BNC2: variants seen among roughly 807,000 people sequenced by gnomAD.
BNC2 encodes basonuclin zinc finger protein 2.
Under a neutral mutation model 76.3 loss-of-function variants are expected in BNC2, and 20 were observed. That is an observed-to-expected ratio of 0.26 (90% CI 0.18 to 0.38). The LOEUF is 0.38. Ranked by LOEUF, BNC2 falls within the 10% of genes least tolerant of loss-of-function variation. The pLI is 1.00. For missense variants in BNC2, 1,382 were observed against 1,399.8 expected (o/e 0.99, Z 0.20); for synonymous variants, 582 against 514.8 (o/e 1.13, Z -1.77).
intron 5 of BNC2, among the ~76,000 whole-genome samples, chr9:16,443,560 G>A (rs1467127749): frequency 6.8e-6 from 1 of 146,376 alleles, no homozygotes; most frequent in African/African-American, 2.8e-5. Flanking sequence ...ATGAAACAAT[G>A]CTATGCAAAA....
intron 1 of BNC2, among the ~76,000 whole-genome samples, chr9:16,862,723 A>C (rs1819441723): frequency 6.6e-6 from 1 of 152,114 alleles, no homozygotes; most frequent in Admixed American, 6.6e-5. Context: ...TGCCAGGGGA[A>C]GAGTTAAAAT....
intron 3 of BNC2, among the ~76,000 whole-genome samples, chr9:16,603,637 C>T (rs1271882390): frequency 6.6e-6 from 1 of 152,128 alleles, no homozygotes; most frequent in Non-Finnish European, 1.5e-5. Context: ...GTCTAAGATG[C>T]TTCACTTTAG....
chr9:16,766,618 G>C (rs1825702959), intron 1 of BNC2, among the ~76,000 whole-genome samples: 1 of 152,206 alleles, frequency 6.6e-6, no homozygotes. Flanking sequence ...AATTTCATGT[G>C]TTTGAAAACA....
intron 2 of BNC2, among the ~76,000 whole-genome samples, chr9:16,735,974 C>G (rs1330084992): frequency 6.6e-6 from 1 of 151,812 alleles, no homozygotes; most frequent in Non-Finnish European, 1.5e-5. Context: ...TGGCTCACAC[C>G]TGTAATCCCA....
intron 4 of BNC2, 91 bp downstream of exon 4, chr9:16,582,892 G>GACACACACACACACACACAA (rs1554680074): frequency 1.2e-4 from 76 of 627,060 alleles, no homozygotes; most frequent in African/African-American, 1.2e-3. Flanking sequence ...CCTCTAAACA[G>GACACACACACACACACACAA]ACACACACAC....
At chr9:16,524,381 G>C (rs147925732) in intron 5 of BNC2, among the ~76,000 whole-genome samples, 22 of 152,260 alleles carry the variant, frequency 1.4e-4, no homozygotes, top group African/African-American at 5.3e-4. Flanking sequence ...GTGGTAAGGA[G>C]ACGCCAGAGT....
At chr9:16,840,071 C>T (rs934885587) in intron 1 of BNC2, among the ~76,000 whole-genome samples, 1 of 152,206 alleles carries the variant, frequency 6.6e-6, no homozygotes, top group African/African-American at 2.4e-5. Context: ...TACTGTTTTA[C>T]ATCTTTAACT....
At chr9:16,615,919 G>C (rs563247738) in intron 3 of BNC2, among the ~76,000 whole-genome samples, 1 of 152,256 alleles carries the variant, frequency 6.6e-6, no homozygotes. Flanking sequence ...GGGTCAAGGA[G>C]ATTAAGGAAC....
intron 5 of BNC2, among the ~76,000 whole-genome samples, chr9:16,455,315 T>C (rs1587047151): frequency 1.3e-5 from 2 of 152,106 alleles, no homozygotes; most frequent in African/African-American, 2.4e-5. Flanking sequence ...AAGACTAAAA[T>C]GGCCAAGAGA....
At chr9:16,736,846 G>GT (rs1297157626) in intron 2 of BNC2, among the ~76,000 whole-genome samples, 3 of 149,380 alleles carry the variant, frequency 2.0e-5, no homozygotes, top group Non-Finnish European at 4.4e-5. Context: ...CACTCTTGTT[G>GT]TGCAGGCTGG....
At chr9:16,666,874 T>G (rs1334848826) in intron 3 of BNC2, among the ~76,000 whole-genome samples, 2 of 152,198 alleles carry the variant, frequency 1.3e-5, no homozygotes, top group Admixed American at 1.3e-4. Context: ...CCTGAACATT[T>G]TGTTTGCCTG....
intron 3 of BNC2, among the ~76,000 whole-genome samples, chr9:16,721,287 T>C (rs1382851566): frequency 1.3e-5 from 2 of 152,184 alleles, no homozygotes; most frequent in East Asian, 1.9e-4. Context: ...TGTGAGGATA[T>C]AAAGGCTGTT....
In BNC2 at chr9:16,783,956, T is replaced by C. The variant is rs892538510; in HGVS notation, c.4-45471A>G. On this transcript the variant is annotated intron_variant, in intron 1 of 6. Transcript: ENST00000380672. ...AAAATGTTGGAAGATTTTAGAATAA[T>C]TGAAATTTCAAGCAAAGTAATTAGT... 3.9e-5 allele frequency among the ~76,000 whole-genome samples: 6 copies of C among 152,162 alleles called. No individual in the cohort carries two copies. The East Asian group carries it at 7.7e-4, about 20-fold the overall frequency.
intron 3 of BNC2, among the ~76,000 whole-genome samples, chr9:16,667,918 C>G (rs376844746): frequency 3.9e-5 from 6 of 152,148 alleles, no homozygotes; most frequent in African/African-American, 1.4e-4. Context: ...TCAACTAAAA[C>G]TCCATCCCCT....
chr9:16,532,766 C>T (rs7866317), intron 5 of BNC2, among the ~76,000 whole-genome samples: 30,427 of 152,098 alleles, frequency 0.2, 3,306 homozygotes, highest in Non-Finnish European at 0.24. Context: ...CTGAAGATTA[C>T]TTGCTTCTAC....
chr9:16,475,431 A>G lies in BNC2; in HGVS notation c.670-37907T>C, dbSNP rs530626993. 3.9e-5 allele frequency among the ~76,000 whole-genome samples: 6 copies of G among 152,284 alleles called. No individual in the cohort carries two copies. In the South Asian group the frequency reaches 1.2e-3, roughly 32 times the overall value. Reference sequence around the variant, plus strand: ...CTCTCTACTTAATGTGATTACAGCCATTATTGACATAATGCCAGGAAGACG... The same window carrying G: ...CTCTCTACTTAATGTGATTACAGCCGTTATTGACATAATGCCAGGAAGACG... On this transcript the variant is annotated intron_variant, in intron 5 of 6. Transcript: ENST00000380672.
intron 1 of BNC2, among the ~76,000 whole-genome samples, chr9:16,844,814 C>T (rs901176558): frequency 1.3e-5 from 2 of 152,084 alleles, no homozygotes; most frequent in Non-Finnish European, 2.9e-5. Context: ...TTTTTTATAT[C>T]AATAACTATC....
chr9:16,519,836 A>C (rs1183799799), intron 5 of BNC2, among the ~76,000 whole-genome samples: 1 of 152,188 alleles, frequency 6.6e-6, no homozygotes, highest in Admixed American at 6.5e-5. Context: ...CTTTGAAACA[A>C]CACCAAAGAC....
intron 1 of BNC2, among the ~76,000 whole-genome samples, chr9:16,831,338 CA>C (rs1381601466): frequency 6.6e-6 from 1 of 152,220 alleles, no homozygotes; most frequent in African/African-American, 2.4e-5. Context: ...CTTCAATGAC[CA>C]TTTTCATTCA....
Sources: gnomAD v4.1 joint callset for allele counts (sites outside exome capture counted in the v4.1 genomes callset) on GRCh38, gnomAD v4.1.1 for gene constraint, MANE v1.5 for transcripts, NCBI Gene and HGNC (gene_info 2026-07-23, HGNC 2026-07-21) for gene names.